GRID2: variants seen among roughly 807,000 people sequenced by gnomAD.
GRID2 encodes glutamate receptor ionotropic, delta-2.
A neutral mutation model predicts 114.8 loss-of-function variants in GRID2; 33 were observed. The observed-to-expected ratio is 0.29, with a 90% CI of 0.22 to 0.38. GRID2 has a LOEUF of 0.38. Among genes scored for constraint, GRID2 ranks in the 10% least tolerant of loss-of-function variants. The pLI is 1.00. For synonymous variants in GRID2, 505 were observed against 449.9 expected, an observed-to-expected ratio of 1.12 and a Z score of -1.55; for missense variants, 1,184 against 1,257.7, an observed-to-expected ratio of 0.94 and a Z score of 0.89.
chr4:93,192,771 AG>A (rs1343719570), intron 4 of GRID2, among the ~76,000 whole-genome samples: 6 of 149,880 alleles, frequency 4.0e-5, no homozygotes, highest in Non-Finnish European at 5.9e-5. Context: ...AAAAAAAAAA[AG>A]AGATTTCTGT....
At chr4:93,014,669 C>T (rs1231813000) in intron 2 of GRID2, among the ~76,000 whole-genome samples, 1 of 152,072 alleles carries the variant, frequency 6.6e-6, no homozygotes, top group Non-Finnish European at 1.5e-5. Flanking sequence ...ATTTCCATGA[C>T]AAATGGCTTA....
At chr4:92,863,639 T>A (rs1744674790) in intron 2 of GRID2, among the ~76,000 whole-genome samples, 2 of 152,160 alleles carry the variant, frequency 1.3e-5, no homozygotes, top group East Asian at 3.8e-4. Flanking sequence ...GTATCTTCAC[T>A]TTCATCATTT....
At chr4:93,074,170 GCAA>G (rs1230985036) in intron 2 of GRID2, among the ~76,000 whole-genome samples, 2 of 152,168 alleles carry the variant, frequency 1.3e-5, no homozygotes, top group Non-Finnish European at 2.9e-5. Flanking sequence ...CATAGTGAGG[GCAA>G]CAACAAGACA....
In GRID2 at chr4:92,613,880, TTG is replaced by T. The variant is rs575230991; in HGVS notation, c.244+23598_244+23599del. 5.5e-3 allele frequency among the ~76,000 whole-genome samples: 840 copies of T among 151,604 alleles called. 8 individuals carry two copies. Among genetic ancestry groups the T allele is most frequent in the African/African-American group, 0.019 (788 of 41,468 alleles). On this transcript the variant is annotated intron_variant, in intron 2 of 15. Coordinates refer to ENST00000282020, the MANE Select transcript of GRID2 (RefSeq NM_001510.4). ...TATTATTTCCTTACTTCTGTTTAAT[TTG>T]TGTTATTTTTGTTTTTTAAACTTTT...
chr4:92,569,400 C>T (rs564984857), intron 1 of GRID2, among the ~76,000 whole-genome samples: 20 of 152,098 alleles, frequency 1.3e-4, no homozygotes, highest in African/African-American at 3.6e-4. Flanking sequence ...GATTCCGTGT[C>T]TTTGTTATTG....
chr4:92,946,878 A>G (rs923551197), intron 2 of GRID2, among the ~76,000 whole-genome samples: 2 of 152,034 alleles, frequency 1.3e-5, no homozygotes, highest in Admixed American at 1.3e-4. Context: ...TTCCTAGGTA[A>G]TTCTGATACT....
At chr4:93,542,732 C>G (rs1732778473) in intron 13 of GRID2, among the ~76,000 whole-genome samples, 1 of 152,098 alleles carries the variant, frequency 6.6e-6, no homozygotes, top group Non-Finnish European at 1.5e-5. Flanking sequence ...GAGACCAGGG[C>G]ACCCAGCCTC....
At chr4:92,932,011 A>T (rs572924688) in intron 2 of GRID2, among the ~76,000 whole-genome samples, 2 of 151,390 alleles carry the variant, frequency 1.3e-5, no homozygotes, top group South Asian at 4.1e-4. Context: ...GGAACTGTAA[A>T]TCTTCTCAAT....
chr4:93,592,562 G>T (rs938025269), intron 13 of GRID2, among the ~76,000 whole-genome samples: 1 of 152,168 alleles, frequency 6.6e-6, no homozygotes, highest in Admixed American at 6.5e-5. Context: ...TTCTGTAGAT[G>T]TCTATTAGGT....
In GRID2 at chr4:92,522,544, C is replaced by T. The variant is rs562364545; in HGVS notation, c.89-67587C>T. On this transcript the variant is annotated intron_variant, in intron 1 of 15. Coordinates refer to ENST00000282020, the MANE Select transcript of GRID2 (RefSeq NM_001510.4). ...AAAGTGCAAAGGTGGAAGTAGGAAC[C>T]CTCCTAATGAAGCTATTGACTTAAT... Among the ~76,000 whole-genome samples, 5 of 151,914 alleles carry T rather than the reference C, an allele frequency of 3.3e-5. No homozygotes were observed. The South Asian group carries it at 1.0e-3, about 32-fold the overall frequency.
intron 9 of GRID2, among the ~76,000 whole-genome samples, chr4:93,404,312 A>G (rs998642385): frequency 1.3e-5 from 2 of 152,150 alleles, no homozygotes; most frequent in African/African-American, 2.4e-5. Flanking sequence ...AACTGACTGC[A>G]ATGATGATTG....
intron 14 of GRID2, among the ~76,000 whole-genome samples, chr4:93,718,908 A>G (rs1012457880): frequency 6.6e-6 from 1 of 152,124 alleles, no homozygotes; most frequent in Admixed American, 6.6e-5. Flanking sequence ...TAACTCTTAA[A>G]ATTTCATAGA....
intron 2 of GRID2, among the ~76,000 whole-genome samples, chr4:93,064,443 G>A (rs1728087555): frequency 6.6e-6 from 1 of 151,728 alleles, no homozygotes; most frequent in South Asian, 2.1e-4. Flanking sequence ...GCATTTACTA[G>A]CTCCTTGCCA....
At chr4:93,749,602 C>A (rs1462594630) in intron 14 of GRID2, among the ~76,000 whole-genome samples, 1 of 152,126 alleles carries the variant, frequency 6.6e-6, no homozygotes, top group African/African-American at 2.4e-5. Context: ...CTATTCATAC[C>A]ATGCCCTCTC....
chr4:92,310,220 T>C (rs1416316794), intron 1 of GRID2, among the ~76,000 whole-genome samples: 1 of 152,018 alleles, frequency 6.6e-6, no homozygotes, highest in Non-Finnish European at 1.5e-5. Flanking sequence ...CACATAGTAA[T>C]TTATTTGTTT....
At chr4:93,210,494 C>G (rs1258179810) in intron 5 of GRID2, among the ~76,000 whole-genome samples, 1 of 151,956 alleles carries the variant, frequency 6.6e-6, no homozygotes, top group Non-Finnish European at 1.5e-5. Context: ...TAGTGTAGCA[C>G]TGTAGTATAG....
intron 13 of GRID2, among the ~76,000 whole-genome samples, chr4:93,566,107 A>C (rs1197817609): frequency 6.6e-6 from 1 of 152,136 alleles, no homozygotes; most frequent in Non-Finnish European, 1.5e-5. Flanking sequence ...TCTACACCTG[A>C]CTGGCACAAG....
intron 2 of GRID2, among the ~76,000 whole-genome samples, chr4:92,676,874 G>C (rs756092171): frequency 3.3e-5 from 5 of 152,110 alleles, no homozygotes; most frequent in Non-Finnish European, 7.4e-5. Context: ...AGCAACCCCA[G>C]TGTCAATCAG....
intron 13 of GRID2, among the ~76,000 whole-genome samples, chr4:93,530,461 A>C (rs899486583): frequency 3.9e-5 from 6 of 152,078 alleles, no homozygotes; most frequent in Non-Finnish European, 7.4e-5. Context: ...TATACTCTGC[A>C]ATGTTCTTAC....
Sources: gnomAD v4.1 joint callset for allele counts (sites outside exome capture counted in the v4.1 genomes callset) on GRCh38, gnomAD v4.1.1 for gene constraint, MANE v1.5 for transcripts, NCBI Gene and HGNC (gene_info 2026-07-23, HGNC 2026-07-21) for gene names.